The following TRAM2 variants were observed in gnomAD, a reference collection of about 807,000 sequenced individuals.
The protein encoded by TRAM2 is translocation associated membrane protein 2.
A neutral mutation model predicts 51.0 loss-of-function variants in TRAM2; 12 were observed. The ratio of observed to expected loss-of-function variants is 0.24; its 90% CI spans 0.15 to 0.38. TRAM2 has a LOEUF of 0.38. Ranked by LOEUF, TRAM2 falls within the 10% of genes least tolerant of loss-of-function variation. The pLI is 1.00. For missense variants in TRAM2, 361 were observed against 462.0 expected, an observed-to-expected ratio of 0.78 and a Z score of 2.00; for synonymous variants, 175 against 179.4, an observed-to-expected ratio of 0.98 and a Z score of 0.20.
At chr6:52,506,197 T>A in intron 7 of TRAM2, 61 bp from the exon 8 acceptor site, 1 of 1,500,966 alleles carries the variant, frequency 6.7e-7, no homozygotes, top group Non-Finnish European at 9.2e-7. Flanking sequence ...GCAGAAGCCA[T>A]TGCATCTTGG....
chr6:52,574,860 C>T (rs991235624), intron 1 of TRAM2, among the ~76,000 whole-genome samples: 1 of 152,160 alleles, frequency 6.6e-6, no homozygotes, highest in African/African-American at 2.4e-5. Context: ...AAAGATAAAA[C>T]AGGGAGGGCC....
intron 2 of TRAM2, among the ~76,000 whole-genome samples, chr6:52,517,957 CTT>C (rs1392354590): frequency 6.6e-6 from 1 of 152,170 alleles, no homozygotes; most frequent in Non-Finnish European, 1.5e-5. Flanking sequence ...ATCAGACAAA[CTT>C]TCCTTTTTCC....
chr6:52,532,822 T>A (rs1475092551), intron 2 of TRAM2, among the ~76,000 whole-genome samples: 2 of 152,204 alleles, frequency 1.3e-5, no homozygotes, highest in African/African-American at 2.4e-5. Flanking sequence ...AAAATTGTGT[T>A]ATAAATCAAT....
intron 2 of TRAM2, 21 bp downstream of exon 2, chr6:52,535,762 A>G (rs775151732): frequency 6.2e-7 from 1 of 1,605,538 alleles, no homozygotes; most frequent in Non-Finnish European, 8.5e-7. Flanking sequence ...CCAGGAGAAG[A>G]TGGAGACCAG....
intron 7 of TRAM2, 144 bp from the exon 8 acceptor site, chr6:52,506,280 C>A: frequency 1.4e-6 from 1 of 715,816 alleles, no homozygotes; most frequent in Non-Finnish European, 2.4e-6. Context: ...CTGCTCCATC[C>A]TTTGGATTCA....
rs553601667 is a variant in TRAM2, at chr6:52,505,202, T to C, written c.875+397A>G. Among the ~76,000 whole-genome samples, 179 of 152,358 alleles carry C rather than the reference T, an allele frequency of 1.2e-3. 1 individual carries two copies. Among genetic ancestry groups the C allele is most frequent in the African/African-American group, 4.1e-3 (172 of 41,588 alleles). The stretch of plus-strand genomic sequence containing the variant: ...CCTGGACAAATCACTCTCCTGGGCC[T>C]AGGGGCTCCGGAAAATAGTGGCTTC... On this transcript the variant is annotated intron_variant, in intron 9 of 10. Transcript: ENST00000182527.
chr6:52,562,010 A>G (rs1268758930), intron 1 of TRAM2, among the ~76,000 whole-genome samples: 1 of 152,026 alleles, frequency 6.6e-6, no homozygotes, highest in Non-Finnish European at 1.5e-5. Flanking sequence ...ATACACTTTA[A>G]AAATCACTGT....
chr6:52,545,201 A>C (rs534479123), intron 1 of TRAM2, among the ~76,000 whole-genome samples: 1 of 152,190 alleles, frequency 6.6e-6, no homozygotes, highest in Admixed American at 6.5e-5. Flanking sequence ...GAGAGGCTGG[A>C]CCCCCATCTG....
chr6:52,539,871 T>C (rs1012464441), intron 1 of TRAM2, among the ~76,000 whole-genome samples: 2 of 152,116 alleles, frequency 1.3e-5, no homozygotes, highest in Non-Finnish European at 2.9e-5. Context: ...CAGAGCTGGG[T>C]GAATAGTAGG....
At chr6:52,532,403 A>G (rs1766909314) in intron 2 of TRAM2, among the ~76,000 whole-genome samples, 1 of 152,218 alleles carries the variant, frequency 6.6e-6, no homozygotes, top group Admixed American at 6.5e-5. Flanking sequence ...ATGACTGGCT[A>G]TCTCTATAGA....
chr6:52,552,065 A>G (rs1767318847), intron 1 of TRAM2, among the ~76,000 whole-genome samples: 2 of 152,250 alleles, frequency 1.3e-5, no homozygotes, highest in African/African-American at 4.8e-5. Context: ...GAACGTTAAC[A>G]CGGAAACCCT....
At chr6:52,539,820 G>A (rs1767046038) in intron 1 of TRAM2, among the ~76,000 whole-genome samples, 1 of 152,134 alleles carries the variant, frequency 6.6e-6, no homozygotes, top group Non-Finnish European at 1.5e-5. Context: ...ATCTGTCCAC[G>A]ATTATTCTTC....
intron 3 of TRAM2, 41 bp from the exon 4 acceptor site, chr6:52,516,163 T>A (rs1346793362): frequency 1.9e-6 from 3 of 1,567,246 alleles, no homozygotes; most frequent in Non-Finnish European, 2.6e-6. Context: ...TATACAAATG[T>A]ATCCATATTG....
At chr6:52,552,630 C>G (rs796696421) in intron 1 of TRAM2, among the ~76,000 whole-genome samples, 28 of 152,298 alleles carry the variant, frequency 1.8e-4, no homozygotes, top group African/African-American at 6.5e-4. Context: ...TGTGACACGG[C>G]TTCACTTCCA....
chr6:52,512,070 C>T (rs1449146671), intron 4 of TRAM2, among the ~76,000 whole-genome samples: 1 of 152,138 alleles, frequency 6.6e-6, no homozygotes, highest in African/African-American at 2.4e-5. Flanking sequence ...CCCCAGGCTA[C>T]CTCATTCCAG....
chr6:52,574,970 C>T (rs1010390099), intron 1 of TRAM2, among the ~76,000 whole-genome samples: 6 of 152,200 alleles, frequency 3.9e-5, no homozygotes, highest in African/African-American at 9.7e-5. Context: ...ACAGCTGTCA[C>T]GTGTATCTTT....
chr6:52,547,173 A>ACAGTCAGG, intron 1 of TRAM2, among the ~76,000 whole-genome samples: 1 of 152,150 alleles, frequency 6.6e-6, no homozygotes, highest in Non-Finnish European at 1.5e-5. Context: ...GAGGTGCGGG[A>ACAGTCAGG]GAAGCTTAGA....
intron 4 of TRAM2, among the ~76,000 whole-genome samples, chr6:52,512,024 C>CT (rs1766461110): frequency 6.6e-6 from 1 of 152,178 alleles, no homozygotes; most frequent in African/African-American, 2.4e-5. Context: ...CCCACCCACT[C>CT]TGTCGGGCAT....
chr6:52,534,557 C>T lies in TRAM2; in HGVS notation c.184+1226G>A, dbSNP rs147932376. ...AACCCCTAAGTTGCAGACCTGTGCC[C>T]GAGGGCTGGACTCAGCCTTCAGATG... On this transcript the variant is annotated intron_variant, in intron 2 of 10. Transcript: ENST00000182527. Among the ~76,000 whole-genome samples, 919 of 152,222 alleles carry T rather than the reference C, an allele frequency of 6.0e-3. 6 individuals carry two copies. Among genetic ancestry groups the T allele is most frequent in the South Asian group, 0.011 (52 of 4,790 alleles).
Sources: allele counts gnomAD v4.1 joint callset (sites outside exome capture counted in the v4.1 genomes callset), GRCh38; gene constraint gnomAD v4.1.1; transcripts MANE v1.5; gene names NCBI Gene and HGNC (gene_info 2026-07-23, HGNC 2026-07-21).